Variants in FAF1 observed in about 807,000 individuals in gnomAD.
FAF1 encodes Fas associated factor 1, also known as FAS-associated factor 1.
A neutral mutation model predicts 92.5 loss-of-function variants in FAF1; 25 were observed. That is an observed-to-expected ratio of 0.27 (90% CI 0.20 to 0.38). The LOEUF (loss-of-function observed/expected upper bound fraction) is 0.38. FAF1 is among the 10% of genes least tolerant of loss of function. The pLI is 1.00. For missense variants in FAF1, 636 were observed against 793.3 expected (o/e 0.80, Z 2.38); for synonymous variants, 234 against 273.2 (o/e 0.86, Z 1.42).
intron 2 of FAF1, among the ~76,000 whole-genome samples, chr1:50,846,088 C>G (rs1350528435): frequency 1.3e-5 from 2 of 152,010 alleles, no homozygotes; most frequent in Non-Finnish European, 2.9e-5. Flanking sequence ...TGTGCCACTA[C>G]TGCATTCCAG....
chr1:50,726,633 TC>T (rs1658669330), intron 6 of FAF1, among the ~76,000 whole-genome samples: 1 of 152,096 alleles, frequency 6.6e-6, no homozygotes, highest in Non-Finnish European at 1.5e-5. Flanking sequence ...ATTGAGACCA[TC>T]CTGGCTAACA....
At chr1:50,929,012 C>A (rs1197540983) in intron 1 of FAF1, among the ~76,000 whole-genome samples, 3 of 137,980 alleles carry the variant, frequency 2.2e-5, no homozygotes, top group Non-Finnish European at 4.5e-5. Context: ...GCACAGGTTG[C>A]AGTGAGCCAA....
At chr1:50,790,429 C>A (rs1028387575) in intron 3 of FAF1, among the ~76,000 whole-genome samples, 1 of 152,110 alleles carries the variant, frequency 6.6e-6, no homozygotes, top group Non-Finnish European at 1.5e-5. Context: ...CGTGAGCCAC[C>A]GCACCCGGCT....
chr1:50,955,931 A>C (rs983549479), intron 1 of FAF1, among the ~76,000 whole-genome samples: 5 of 152,226 alleles, frequency 3.3e-5, no homozygotes, highest in Admixed American at 3.3e-4. Context: ...GGTACCTATT[A>C]ATAGAAGAGT....
intron 1 of FAF1, among the ~76,000 whole-genome samples, chr1:50,898,802 T>C (rs1644775298): frequency 6.6e-6 from 1 of 152,226 alleles, no homozygotes; most frequent in Admixed American, 6.5e-5. Context: ...TTTCACAGGT[T>C]TTAAGCAATT....
intron 2 of FAF1, among the ~76,000 whole-genome samples, chr1:50,851,492 AGTTT>A (rs1644348758): frequency 1.3e-5 from 2 of 152,158 alleles, no homozygotes; most frequent in Admixed American, 1.3e-4. Flanking sequence ...TATTTCATTT[AGTTT>A]ATTTTCTAAA....
chr1:50,729,026 CTATCTATCTATA>C (rs1479720539), intron 6 of FAF1, among the ~76,000 whole-genome samples: 3 of 73,654 alleles, frequency 4.1e-5, no homozygotes, highest in African/African-American at 1.9e-4. Context: ...ATCTATCTAT[CTATCTATCTATA>C]TATATATATA....
intron 7 of FAF1, among the ~76,000 whole-genome samples, chr1:50,662,067 T>C (rs571705061): frequency 6.6e-6 from 1 of 152,302 alleles, no homozygotes; most frequent in African/African-American, 2.4e-5. Flanking sequence ...AGGGCTGGCC[T>C]GTGTTGGAGA....
At chr1:50,451,535 C>A (rs1446757467) in intron 18 of FAF1, among the ~76,000 whole-genome samples, 1 of 152,182 alleles carries the variant, frequency 6.6e-6, no homozygotes, top group East Asian at 1.9e-4. Context: ...TTCTTAACCA[C>A]CACAGTAGAT....
intron 6 of FAF1, among the ~76,000 whole-genome samples, chr1:50,727,005 C>T (rs952288255): frequency 6.6e-6 from 1 of 152,186 alleles, no homozygotes; most frequent in South Asian, 2.1e-4. Context: ...AATGTCAAAC[C>T]TTCTCCAGTT....
At chr1:50,586,479 C>A (rs1651238094) in intron 9 of FAF1, among the ~76,000 whole-genome samples, 1 of 152,144 alleles carries the variant, frequency 6.6e-6, no homozygotes, top group African/African-American at 2.4e-5. Context: ...AGCATTAATG[C>A]AGAGAATCAT....
intron 3 of FAF1, among the ~76,000 whole-genome samples, chr1:50,790,429 C>T (rs1028387575): frequency 6.6e-6 from 1 of 152,110 alleles, no homozygotes; most frequent in Non-Finnish European, 1.5e-5. Context: ...CGTGAGCCAC[C>T]GCACCCGGCT....
chr1:50,816,709 T>C (rs1007240187), intron 2 of FAF1, among the ~76,000 whole-genome samples: 1 of 152,206 alleles, frequency 6.6e-6, no homozygotes, highest in Non-Finnish European at 1.5e-5. Context: ...TGTCAATTTT[T>C]GTTTCGGTTG....
intron 12 of FAF1, among the ~76,000 whole-genome samples, chr1:50,579,062 T>G (rs1650877839): frequency 6.6e-6 from 1 of 152,082 alleles, no homozygotes; most frequent in Non-Finnish European, 1.5e-5. Flanking sequence ...GAACCAATAA[T>G]TTTTCATCTG....
chr1:50,698,197 T>A (rs1283991770), intron 7 of FAF1, among the ~76,000 whole-genome samples: 1 of 152,156 alleles, frequency 6.6e-6, no homozygotes, highest in South Asian at 2.1e-4. Flanking sequence ...AATGAAGAGG[T>A]TGGTTACTAT....
chr1:50,754,856 G>C (rs1398207267), intron 4 of FAF1, among the ~76,000 whole-genome samples: 1 of 152,112 alleles, frequency 6.6e-6, no homozygotes, highest in African/African-American at 2.4e-5. Context: ...CAAGCAGAGA[G>C]AGGTTGTGTA....
At chr1:50,647,702 G>A (rs1654656790) in intron 8 of FAF1, among the ~76,000 whole-genome samples, 1 of 152,114 alleles carries the variant, frequency 6.6e-6, no homozygotes, top group Non-Finnish European at 1.5e-5. Flanking sequence ...AAGTATTCTT[G>A]TAACTACTGA....
intron 2 of FAF1, among the ~76,000 whole-genome samples, chr1:50,843,988 T>C (rs1644277862): frequency 6.6e-6 from 1 of 152,166 alleles, no homozygotes; most frequent in African/African-American, 2.4e-5. Context: ...CTAATTTACA[T>C]TCCCACCAAC....
chr1:50,790,117 TACC>T (rs1265025937), intron 3 of FAF1, among the ~76,000 whole-genome samples: 6 of 152,162 alleles, frequency 3.9e-5, no homozygotes, highest in Non-Finnish European at 7.4e-5. Context: ...GGAATATAAG[TACC>T]ACAAGAATAA....
Sources: allele counts gnomAD v4.1 joint callset (sites outside exome capture counted in the v4.1 genomes callset), GRCh38; gene constraint gnomAD v4.1.1; transcripts MANE v1.5; gene names NCBI Gene and HGNC (gene_info 2026-07-23, HGNC 2026-07-21).